STPG2: variants seen among roughly 807,000 people sequenced by gnomAD.
The protein encoded by STPG2 is sperm-tail PG-rich repeat-containing protein 2.
Under a neutral mutation model 54.2 loss-of-function variants are expected in STPG2, and 56 were observed. The ratio of observed to expected loss-of-function variants is 1.03; its 90% CI spans 0.83 to 1.29. The LOEUF is 1.29. Among genes scored for constraint, STPG2 ranks in the 50% most tolerant of loss-of-function variants. The pLI is 0.00. For missense variants in STPG2, 596 were observed against 544.9 expected, an observed-to-expected ratio of 1.09 and a Z score of -0.93; for synonymous variants, 200 against 181.8, an observed-to-expected ratio of 1.10 and a Z score of -0.81.
At chr4:97,870,437 G>T (rs1047477323) in intron 8 of STPG2, among the ~76,000 whole-genome samples, 2 of 151,074 alleles carry the variant, frequency 1.3e-5, no homozygotes, top group African/African-American at 4.8e-5. Flanking sequence ...GAAACAAAGG[G>T]ATTTCAAAAG....
At chr4:97,859,469 T>C (rs1729442992) in intron 8 of STPG2, among the ~76,000 whole-genome samples, 1 of 146,986 alleles carries the variant, frequency 6.8e-6, no homozygotes, top group Admixed American at 6.7e-5. Flanking sequence ...TTCTTTTCTT[T>C]TTTTTTTTTT....
In STPG2 at chr4:98,128,572, T is replaced by C. The variant is rs1739897176; in HGVS notation, c.243A>G (p.Thr81=). The change falls in exon 3 of 11, where the codon ACA becomes ACG. Residue 81 remains threonine (T), a synonymous_variant. Transcript: ENST00000295268. The part of the protein sequence containing the change: ...SEAQKISRSP[T]LTRSVDVPSI... ...AAGGAACATCAACACTTCTGGTAAG[T>C]GTAGGTGATCTTGAAATTTTCTGCA... 3 of 1,592,562 alleles carry C rather than the reference T, an allele frequency of 1.9e-6. No individual in the cohort carries two copies. The highest frequency in any genetic ancestry group is 1.2e-5 in the South Asian group (1 of 86,238).
chr4:97,610,354 C>T lies in STPG2; in HGVS notation c.1321-51237G>A, dbSNP rs556499981. Among the ~76,000 whole-genome samples, 4 of 152,134 alleles carry T rather than the reference C, an allele frequency of 2.6e-5. No homozygotes were observed. In the East Asian group the frequency reaches 5.8e-4, roughly 22 times the overall value. ...ACTAAGTAAAGTAAACAATTCATTG[C>T]TTTAATGAGTAACAACAGTGTTCTG... is the stretch of plus-strand genomic sequence containing the variant. On this transcript the variant is annotated intron_variant, in intron 10 of 10. Coordinates refer to ENST00000295268, the MANE Select transcript of STPG2 (RefSeq NM_174952.3).
chr4:97,777,422 T>C (rs1396397172), intron 9 of STPG2, among the ~76,000 whole-genome samples: 2 of 152,212 alleles, frequency 1.3e-5, no homozygotes, highest in Non-Finnish European at 2.9e-5. Context: ...CCAGGCAGCA[T>C]AAAATTGAGC....
intron 8 of STPG2, among the ~76,000 whole-genome samples, chr4:97,868,810 C>T (rs1034880035): frequency 1.3e-5 from 2 of 151,864 alleles, no homozygotes. Flanking sequence ...CATGTGTTTA[C>T]CAAACCAATT....
intron 6 of STPG2, among the ~76,000 whole-genome samples, chr4:97,972,655 C>A (rs1734373612): frequency 6.6e-6 from 1 of 152,142 alleles, no homozygotes; most frequent in Non-Finnish European, 1.5e-5. Flanking sequence ...TGTCCCCACC[C>A]AAATCTCAGC....
chr4:97,829,038 C>G (rs574045029), intron 9 of STPG2, among the ~76,000 whole-genome samples: 1 of 152,306 alleles, frequency 6.6e-6, no homozygotes, highest in Non-Finnish European at 1.5e-5. Context: ...GTCAGACTGC[C>G]TCCTCAACTG....
At chr4:97,709,962 T>C (rs868107819) in intron 10 of STPG2, among the ~76,000 whole-genome samples, 16 of 151,956 alleles carry the variant, frequency 1.1e-4, no homozygotes, top group African/African-American at 3.9e-4. Context: ...CATTTATTAA[T>C]ATAGTATTAG....
At position 97,813,503 on chromosome 4, in the gene STPG2, A is replaced by T. The variant is rs539935519; in HGVS notation, c.1204+27270T>A. On this transcript the variant is annotated intron_variant, in intron 9 of 10. Transcript: ENST00000295268. ...AAAATAAGTATGTGAGGTCATATAG[A>T]TGTTAATTAGCTTGACTCAACTATT... Among the ~76,000 whole-genome samples, 3 of 151,914 alleles carry T rather than the reference A, an allele frequency of 2.0e-5. No individual in the cohort carries two copies. The South Asian group carries it at 6.2e-4, about 32-fold the overall frequency.
chr4:97,834,486 A>G (rs1394106812), intron 9 of STPG2, among the ~76,000 whole-genome samples: 1 of 152,110 alleles, frequency 6.6e-6, no homozygotes, highest in Non-Finnish European at 1.5e-5. Flanking sequence ...CTGCACATGT[A>G]CCCCAGAACT....
chr4:97,972,542 C>A, intron 6 of STPG2, 102 bp from the exon 7 acceptor site: 2 of 665,152 alleles, frequency 3.0e-6, no homozygotes, highest in Non-Finnish European at 4.5e-6. Context: ...AAATAAAAAA[C>A]CCTCACATAT....
intron 8 of STPG2, among the ~76,000 whole-genome samples, chr4:97,911,102 G>A (rs1275614991): frequency 6.6e-6 from 1 of 152,186 alleles, no homozygotes; most frequent in Non-Finnish European, 1.5e-5. Context: ...GTGATTGTGC[G>A]ACCCTGCCTG....
intron 9 of STPG2, among the ~76,000 whole-genome samples, chr4:97,725,392 C>A (rs1356265697): frequency 2.1e-5 from 3 of 145,876 alleles, no homozygotes; most frequent in African/African-American, 5.1e-5. Flanking sequence ...AGACAAAGAC[C>A]AAAATAAATA....
intron 10 of STPG2, among the ~76,000 whole-genome samples, chr4:97,584,738 T>A (rs891279469): frequency 6.6e-6 from 1 of 151,750 alleles, no homozygotes; most frequent in African/African-American, 2.4e-5. Flanking sequence ...TCAAGGCTAC[T>A]ATGAAGACCT....
rs1249655466 is a variant in STPG2 at position 97,750,399 on chromosome 4, A to G, written c.1205-37585T>C. 2.0e-5 allele frequency among the ~76,000 whole-genome samples: 3 copies of G among 151,964 alleles called. No individual in the cohort carries two copies. The East Asian group carries it at 5.8e-4, about 29-fold the overall frequency. On this transcript the variant is annotated intron_variant, in intron 9 of 10. Transcript: ENST00000295268. ...TTTCAAAGGATGCTTGCCATATATT[A>G]TCTAGCATTTTTATAGTGTGAGGAG...
In STPG2 at chr4:97,635,148, G is replaced by T. The variant is rs369530455; in HGVS notation, c.1321-76031C>A. On this transcript the variant is annotated intron_variant, in intron 10 of 10. Transcript: ENST00000295268. ...CAGACTAACAGCGGATCTCTCAGCAGAAACCCTACAAGCCAGAAGAGAGTG... is the reference window on the plus strand; with the variant it reads ...CAGACTAACAGCGGATCTCTCAGCATAAACCCTACAAGCCAGAAGAGAGTG... Among the ~76,000 whole-genome samples, 20 of 152,106 alleles carry T rather than the reference G, an allele frequency of 1.3e-4. No homozygotes were observed. In the East Asian group the frequency reaches 3.9e-3, roughly 29 times the overall value.
At chr4:97,956,001 G>A (rs964910751) in intron 7 of STPG2, among the ~76,000 whole-genome samples, 1 of 152,074 alleles carries the variant, frequency 6.6e-6, no homozygotes, top group Admixed American at 6.6e-5. Flanking sequence ...GAAGAAAAAC[G>A]ATTCCATTTT....
At chr4:97,831,459 A>C (rs1044286022) in intron 9 of STPG2, among the ~76,000 whole-genome samples, 6 of 152,206 alleles carry the variant, frequency 3.9e-5, no homozygotes, top group African/African-American at 1.4e-4. Context: ...CAAAATTAAA[A>C]GAACTAGAGA....
chr4:97,840,471 T>C (rs957431066), intron 9 of STPG2, among the ~76,000 whole-genome samples: 27 of 151,756 alleles, frequency 1.8e-4, no homozygotes, highest in Admixed American at 1.4e-3. Context: ...ACCTACACAC[T>C]TAAGAGAGTC....
Sources: allele counts gnomAD v4.1 joint callset (sites outside exome capture counted in the v4.1 genomes callset), GRCh38; gene constraint gnomAD v4.1.1; transcripts MANE v1.5; gene names NCBI Gene and HGNC (gene_info 2026-07-23, HGNC 2026-07-21).